DCST2: variants seen among roughly 807,000 people sequenced by gnomAD.
The protein encoded by DCST2 is DC-STAMP domain-containing protein 2.
Under a neutral mutation model 81.8 loss-of-function variants are expected in DCST2, and 64 were observed. That is an observed-to-expected ratio of 0.78 (90% CI 0.64 to 0.96). The LOEUF (loss-of-function observed/expected upper bound fraction) is 0.96, where lower values mean the gene tolerates loss of function less well. Ranked by LOEUF, DCST2 falls within the 40% of genes least tolerant of loss-of-function variation. The pLI is 0.00. For missense variants in DCST2, 945 were observed against 1,001.4 expected (o/e 0.94, Z 0.76); for synonymous variants, 354 against 402.6 (o/e 0.88, Z 1.44).
intron 3 of DCST2, 149 bp downstream of exon 3, chr1:155,032,518 T>C (rs1015631856): frequency 1.7e-6 from 1 of 579,372 alleles, no homozygotes; most frequent in Admixed American, 3.0e-5. Context: ...GGTCTCGCCA[T>C]GTTGCCAAGG....
intron 14 of DCST2, 141 bp from the exon 15 acceptor site, chr1:155,018,901 C>A: frequency 2.5e-6 from 2 of 811,230 alleles, no homozygotes; most frequent in South Asian, 1.8e-5. Context: ...GCCCACGAGG[C>A]GTACCAGCCC....
chr1:155,031,044 G>T, intron 5 of DCST2, 125 bp downstream of exon 5: 1 of 1,041,274 alleles, frequency 9.6e-7, no homozygotes, highest in Non-Finnish European at 1.4e-6. Flanking sequence ...GATCACTTGA[G>T]CCCCTTTCTT....
At chr1:155,021,368 C>T (rs1659751892) in intron 14 of DCST2, among the ~76,000 whole-genome samples, 2 of 152,026 alleles carry the variant, frequency 1.3e-5, no homozygotes, top group African/African-American at 4.8e-5. Flanking sequence ...AACTCCTGGA[C>T]TCAAGTGATC....
At chr1:155,031,295 T>A in intron 4 of DCST2, 61 bp from the exon 5 acceptor site, 1 of 1,485,072 alleles carries the variant, frequency 6.7e-7, no homozygotes, top group Non-Finnish European at 9.1e-7. Context: ...GCCCCCGACC[T>A]CTGGAGACCT....
At position 155,018,555 on chromosome 1, in the gene DCST2, G is replaced by C. The variant is rs750995971; in HGVS notation, c.2311C>G (p.Pro771Ala). ...TGTCCACTTTTGGTTTATTTGGGGGGTGGGTGGGAAGGATCAGGAAGAGAG... is the reference window on the plus strand; with the variant it reads ...TGTCCACTTTTGGTTTATTTGGGGGCTGGGTGGGAAGGATCAGGAAGAGAG... ...PPSLPDPSHP[P>A]PK Residue 771 changes from proline to alanine, a missense_variant, in exon 15 of 15, where the codon CCC becomes GCC. Transcript: ENST00000368424. 2 of 1,612,468 alleles carry C rather than the reference G, an allele frequency of 1.2e-6. No individual in the cohort carries two copies. The highest frequency in any genetic ancestry group is 1.7e-6 in the Non-Finnish European group (2 of 1,178,918).
In DCST2 at chr1:155,023,227, T is replaced by G; in HGVS notation, c.1995A>C (p.Leu665=). The part of the protein sequence containing the change: ...LDSSDEEGPQ[L]WLAAAQRKDP... The stretch of plus-strand genomic sequence containing the variant: ...CCTTCCTTTGAGCTGCAGCCAGCCA[T>G]AGCTGAGGGCCCTCCTCATCGCTGG... The change falls in exon 14 of 15, where the codon CTA becomes CTC. Residue 665 remains leucine (L), a synonymous_variant. Coordinates refer to ENST00000368424, the MANE Select transcript of DCST2 (RefSeq NM_144622.3). 1 of 1,614,182 alleles carries G rather than the reference T, an allele frequency of 6.2e-7. No individual in the cohort carries two copies.
In DCST2 at chr1:155,030,053, C is replaced by A. The variant is rs775479125; in HGVS notation, c.1177+31G>T. On this transcript the variant is annotated intron_variant, in intron 7 of 14. Transcript: ENST00000368424. ...TGGGGGGAAGCCCTGGCCTCCCTGG[C>A]TTGGGCTCTCCCTGTCCTCAGGGCC... 14 of 1,610,294 alleles carry A rather than the reference C, an allele frequency of 8.7e-6. No homozygotes were observed. In the South Asian group the frequency reaches 1.4e-4, roughly 16 times the overall value.
chr1:155,029,105 GA>G (rs1659994630), intron 8 of DCST2, 127 bp downstream of exon 8: 2 of 1,118,366 alleles, frequency 1.8e-6, no homozygotes, highest in Non-Finnish European at 2.6e-6. Flanking sequence ...GTGACATGGG[GA>G]CATTCAGGCA....
intron 14 of DCST2, among the ~76,000 whole-genome samples, chr1:155,022,229 CAAGTT>C (rs1165478399): frequency 2.6e-5 from 4 of 152,140 alleles, no homozygotes; most frequent in African/African-American, 9.7e-5. Context: ...TTTCAAATGA[CAAGTT>C]AAGGTTCTTG....
At chr1:155,021,128 T>C (rs1472545333) in intron 14 of DCST2, among the ~76,000 whole-genome samples, 1 of 152,004 alleles carries the variant, frequency 6.6e-6, no homozygotes, top group Non-Finnish European at 1.5e-5. Context: ...GCCTCCTGAG[T>C]AGCTGGGACT....
chr1:155,018,541 G>A lies in DCST2; in HGVS notation c.*3C>T. On this transcript the variant is annotated 3_prime_UTR_variant, in exon 15 of 15. Coordinates refer to ENST00000368424, the MANE Select transcript of DCST2 (RefSeq NM_144622.3). ...AAGATTCACACTTGTGTCCACTTTTGGTTTATTTGGGGGGTGGGTGGGAAG... is the reference window on the plus strand; with the variant it reads ...AAGATTCACACTTGTGTCCACTTTTAGTTTATTTGGGGGGTGGGTGGGAAG... 6.2e-7 allele frequency: 1 copy of A among 1,610,146 alleles called. No individual in the cohort carries two copies. Among genetic ancestry groups the A allele is most frequent in the South Asian group, 1.1e-5 (1 of 91,000 alleles).
Position 155,029,177 on chromosome 1 carries a change from C to G in DCST2, c.1342+56G>C. ...TGGGAGCAGGCGGGGAGATCAGAAACAGGCCGAGGGGGCTGCAGTGGGTGA... is the reference window on the plus strand; with the variant it reads ...TGGGAGCAGGCGGGGAGATCAGAAAGAGGCCGAGGGGGCTGCAGTGGGTGA... On this transcript the variant is annotated intron_variant, in intron 8 of 14. Coordinates refer to ENST00000368424, the MANE Select transcript of DCST2 (RefSeq NM_144622.3). 2.5e-6 allele frequency: 4 copies of G among 1,588,088 alleles called. No homozygotes were observed. In the South Asian group the frequency reaches 4.5e-5, roughly 18 times the overall value.
chr1:155,024,008 C>CGTTA, intron 11 of DCST2, 49 bp from the exon 12 acceptor site: 3 of 1,587,820 alleles, frequency 1.9e-6, no homozygotes, highest in Non-Finnish European at 1.7e-6. Flanking sequence ...GCCAGCTTAA[C>CGTTA]CCTCCCCACT....
At chr1:155,031,549 C>T (rs775297172) in intron 4 of DCST2, 25 bp downstream of exon 4, 13 of 1,612,992 alleles carry the variant, frequency 8.1e-6, no homozygotes, top group Admixed American at 1.7e-5. Flanking sequence ...GGCTCCTCCC[C>T]GCTGGCAGAC....
At chr1:155,026,229 C>G in intron 10 of DCST2, 73 bp downstream of exon 10, 1 of 1,492,048 alleles carries the variant, frequency 6.7e-7, no homozygotes, top group South Asian at 1.2e-5. Flanking sequence ...GCTCCCAAAG[C>G]CAAAAAAGCC....
In DCST2 at chr1:155,024,556, T is replaced by C. The variant is rs1244615843; in HGVS notation, c.1658A>G (p.Asn553Ser). Residue 553 changes from asparagine (N) to serine (S), a missense_variant, in exon 11 of 15, where the codon AAT becomes AGT. Coordinates refer to ENST00000368424, the MANE Select transcript of DCST2 (RefSeq NM_144622.3). Reference sequence around the variant, plus strand: ...TGATCGGTGCAGGGCAGCCAACAGATTGGTTCGGCGGCTCAGAAGTACATT... The same window carrying C: ...TGATCGGTGCAGGGCAGCCAACAGACTGGTTCGGCGGCTCAGAAGTACATT... ...LYNVLLSRRT[N>S]LLAALHRSVR... The C allele has an allele frequency of 6.2e-7, 1 of 1,609,486 alleles. No individual in the cohort carries two copies. The highest frequency in any genetic ancestry group is 1.3e-5 in the African/African-American group (1 of 74,938).
chr1:155,024,530 C>G lies in DCST2; in HGVS notation c.1684G>C (p.Val562Leu). Residue 562 changes from valine to leucine, a missense_variant, in exon 11 of 15, where the codon GTG becomes CTG. Physicochemically the swap from Val to Leu is conservative, Grantham distance 32 (BLOSUM62 1). Transcript: ENST00000368424. ...TNLLAALHRSVRRRAADQGHR... is the reference protein window; with the variant it reads ...TNLLAALHRSLRRRAADQGHR... ...CCCTGGTCAGCCGCCCGCCGCCTCA[C>G]TGATCGGTGCAGGGCAGCCAACAGA... The G allele has an allele frequency of 6.2e-7, 1 of 1,610,156 alleles. No homozygotes were observed. The highest frequency in any genetic ancestry group is 8.5e-7 in the Non-Finnish European group (1 of 1,178,098).
At chr1:155,025,147 CAAAA>C (rs201238594) in intron 10 of DCST2, among the ~76,000 whole-genome samples, 8 of 111,380 alleles carry the variant, frequency 7.2e-5, no homozygotes, top group South Asian at 5.5e-4. Flanking sequence ...AATTCTGTCT[CAAAA>C]AAAAAAAAAA....
intron 5 of DCST2, 73 bp downstream of exon 5, chr1:155,031,095 TG>T: frequency 6.7e-7 from 1 of 1,486,302 alleles, no homozygotes; most frequent in Non-Finnish European, 9.1e-7. Context: ...CACTGGGGGC[TG>T]GCCATGGCCA....
Sources: allele counts gnomAD v4.1 joint callset (sites outside exome capture counted in the v4.1 genomes callset), GRCh38; gene constraint gnomAD v4.1.1; transcripts MANE v1.5; gene names NCBI Gene and HGNC (gene_info 2026-07-23, HGNC 2026-07-21).